Variants in GALNT14 observed in about 807,000 individuals in gnomAD.
GALNT14 encodes the protein UDP-GalNAc:polypeptide N-acetylgalactosaminyltransferase 14.
GALNT14 carries 60 observed loss-of-function variants against 77.5 expected under a neutral mutation model. That is an observed-to-expected ratio of 0.77 (90% CI 0.63 to 0.96). The LOEUF is 0.96. GALNT14 is among the 40% of genes least tolerant of loss of function. The pLI is 0.00. For missense variants in GALNT14, 710 were observed against 731.0 expected (o/e 0.97, Z 0.33); for synonymous variants, 280 against 281.7 (o/e 0.99, Z 0.06).
intron 1 of GALNT14, among the ~76,000 whole-genome samples, chr2:31,070,936 AAGT>A (rs1675325288): frequency 6.6e-6 from 1 of 152,220 alleles, no homozygotes; most frequent in African/African-American, 2.4e-5. Flanking sequence ...GAAAAAATGA[AAGT>A]AGAACCAGGG....
chr2:31,084,378 T>C (rs375321277), intron 1 of GALNT14, among the ~76,000 whole-genome samples: 2 of 152,206 alleles, frequency 1.3e-5, no homozygotes, highest in African/African-American at 4.8e-5. Flanking sequence ...TGTACTGAAC[T>C]GATGATGGCT....
intron 1 of GALNT14, among the ~76,000 whole-genome samples, chr2:31,045,502 G>A (rs138291531): frequency 2.3e-4 from 35 of 152,044 alleles, no homozygotes; most frequent in South Asian, 8.3e-4. Context: ...TTGCTTTGTC[G>A]CCCATGCTGG....
At position 31,049,327 on chromosome 2, in the gene GALNT14, C is replaced by A. The variant is rs142329156; in HGVS notation, c.130-56320G>T. Among the ~76,000 whole-genome samples the A allele has an allele frequency of 5.3e-3, 808 of 152,274 alleles. 10 individuals are homozygous for A. The highest frequency in any genetic ancestry group is 0.019 in the African/African-American group (785 of 41,528). ...GGAATGATTTTTGCTCAAGACTACC[C>A]AGAAAGAAGACCCGAGGCTCCTCAG... On this transcript the variant is annotated intron_variant, in intron 1 of 14. Coordinates refer to ENST00000349752, the MANE Select transcript of GALNT14 (RefSeq NM_024572.4).
At chr2:31,028,242 G>A (rs1573194658) in intron 1 of GALNT14, among the ~76,000 whole-genome samples, 1 of 152,228 alleles carries the variant, frequency 6.6e-6, no homozygotes, top group East Asian at 1.9e-4. Context: ...GCCTCTCTGA[G>A]GGGCTCCACA....
At chr2:31,067,059 C>T (rs1474581040) in intron 1 of GALNT14, among the ~76,000 whole-genome samples, 1 of 152,166 alleles carries the variant, frequency 6.6e-6, no homozygotes, top group Non-Finnish European at 1.5e-5. Context: ...TTCCTTCCCC[C>T]AGCAGTCTTG....
the GALNT14 span, among the ~76,000 whole-genome samples, chr2:30,893,655 T>C: frequency 1.3e-5 from 2 of 152,070 alleles, no homozygotes; most frequent in Non-Finnish European, 1.5e-5. Flanking sequence ...ATTGTCGAGG[T>C]AAATGCCAGG....
intron 6 of GALNT14, among the ~76,000 whole-genome samples, chr2:30,949,115 G>A (rs915606140): frequency 9.2e-5 from 14 of 152,124 alleles, no homozygotes; most frequent in Middle Eastern, 3.2e-3. Context: ...GACCTTGAAT[G>A]GGCCTGCAAG....
At chr2:31,070,772 A>G (rs932107486) in intron 1 of GALNT14, among the ~76,000 whole-genome samples, 2 of 152,218 alleles carry the variant, frequency 1.3e-5, no homozygotes, top group South Asian at 2.1e-4. Flanking sequence ...CCTTTGTCCA[A>G]TTGCAAACTG....
At chr2:30,968,615 A>C (rs76944727) in intron 2 of GALNT14, among the ~76,000 whole-genome samples, 3,451 of 152,280 alleles carry the variant, frequency 0.023, 141 homozygotes, top group East Asian at 0.21. Context: ...AGTGGGTCTG[A>C]AGCTCCAGTC....
At chr2:31,072,621 C>T (rs897751719) in intron 1 of GALNT14, among the ~76,000 whole-genome samples, 13 of 152,108 alleles carry the variant, frequency 8.5e-5, no homozygotes, top group African/African-American at 3.1e-4. Context: ...ACAACTAAGT[C>T]CAATTCCAAA....
chr2:31,004,999 G>A (rs1670582969), intron 1 of GALNT14, among the ~76,000 whole-genome samples: 1 of 152,186 alleles, frequency 6.6e-6, no homozygotes, highest in African/African-American at 2.4e-5. Context: ...TACCTGCCTA[G>A]TTACACTGCT....
chr2:31,079,949 G>T (rs886207649), intron 1 of GALNT14, among the ~76,000 whole-genome samples: 2 of 152,196 alleles, frequency 1.3e-5, no homozygotes, highest in Non-Finnish European at 2.9e-5. Flanking sequence ...GCTTCCAGCA[G>T]TCCTGCATTT....
chr2:31,016,619 C>T (rs1671380352), intron 1 of GALNT14, among the ~76,000 whole-genome samples: 1 of 152,042 alleles, frequency 6.6e-6, no homozygotes, highest in Non-Finnish European at 1.5e-5. Flanking sequence ...AGAGACCTGC[C>T]CCCCAGAACA....
At chr2:31,059,833 C>T (rs2148538466) in intron 1 of GALNT14, among the ~76,000 whole-genome samples, 1 of 152,362 alleles carries the variant, frequency 6.6e-6, no homozygotes, top group East Asian at 1.9e-4. Flanking sequence ...ACACTGACTG[C>T]TTGATCTTGG....
chr2:31,048,909 C>G (rs1673660945), intron 1 of GALNT14, among the ~76,000 whole-genome samples: 1 of 152,118 alleles, frequency 6.6e-6, no homozygotes, highest in African/African-American at 2.4e-5. Context: ...TGTGCCTGAC[C>G]GGCTCATTCC....
intron 4 of GALNT14, 95 bp downstream of exon 4, chr2:30,958,302 C>G (rs1477990561): frequency 9.3e-7 from 1 of 1,075,146 alleles, no homozygotes; most frequent in Admixed American, 1.9e-5. Context: ...GGCTTTTCCC[C>G]ATTCCCAGAA....
intron 1 of GALNT14, among the ~76,000 whole-genome samples, chr2:31,082,131 A>C (rs1676185918): frequency 6.6e-6 from 1 of 152,368 alleles, no homozygotes; most frequent in African/African-American, 2.4e-5. Context: ...ACTGACCAAC[A>C]GTCTCAAGGA....
chr2:31,075,384 ATG>A (rs1675702615), intron 1 of GALNT14, among the ~76,000 whole-genome samples: 1 of 152,308 alleles, frequency 6.6e-6, no homozygotes, highest in Non-Finnish European at 1.5e-5. Flanking sequence ...TCATATGCAA[ATG>A]TGTCTCCTGC....
chr2:30,973,956 T>C (rs60915127), intron 2 of GALNT14, among the ~76,000 whole-genome samples: 3,553 of 152,310 alleles, frequency 0.023, 144 homozygotes, highest in East Asian at 0.21. Context: ...TGGGTCAGAA[T>C]AGAGAAGTGA....
Sources: gnomAD v4.1 joint callset for allele counts (sites outside exome capture counted in the v4.1 genomes callset) on GRCh38, gnomAD v4.1.1 for gene constraint, MANE v1.5 for transcripts, NCBI Gene and HGNC (gene_info 2026-07-23, HGNC 2026-07-21) for gene names.